LSS: variants seen among roughly 807,000 people sequenced by gnomAD.
The protein encoded by LSS is lanosterol synthase, also known as 2,3-epoxysqualene-lanosterol cyclase.
In LSS, 90 loss-of-function variants were observed where a neutral mutation model predicts 110.3. That is an observed-to-expected ratio of 0.82 (90% CI 0.69 to 0.97). The LOEUF is 0.97. Among genes scored for constraint, LSS ranks in the 50% least tolerant of loss-of-function variants. The pLI is 0.00. For synonymous variants in LSS, 433 were observed against 400.0 expected (o/e 1.08, Z -0.98); for missense variants, 927 against 990.0 (o/e 0.94, Z 0.85).
At chr21:46,210,536 C>G (rs547051499) in intron 12 of LSS, 152 bp downstream of exon 12, 160 of 800,380 alleles carry the variant, frequency 2.0e-4, no homozygotes, top group Non-Finnish European at 2.6e-4. Flanking sequence ...CTCCACAGCA[C>G]GACCCTCTGA....
rs1330005778 is a variant in LSS at position 46,190,096 on chromosome 21, C to A, written c.*1008G>T. Reference sequence around the variant, plus strand: ...CCGTAGGGGTGCCCTGGGTATATGCCGGGCTCCCAGGGTGCCATACCTGCC... The same window carrying A: ...CCGTAGGGGTGCCCTGGGTATATGCAGGGCTCCCAGGGTGCCATACCTGCC... On this transcript the variant is annotated 3_prime_UTR_variant, in exon 22 of 22. Transcript: ENST00000397728. The surrounding 1 kb of genome is among the most constrained non-coding windows in gnomAD (Gnocchi z 4.6). 1.3e-5 allele frequency: 3 copies of A among 238,572 alleles called. No individual in the cohort carries two copies. The East Asian group carries it at 4.4e-4, about 35-fold the overall frequency. 14.8% of individuals were successfully genotyped at this position (238,572 alleles called of 1,614,324 possible).
At position 46,191,186 on chromosome 21, in the gene LSS, C is replaced by G. The variant is rs761781316; in HGVS notation, c.2117G>C (p.Ser706Thr). The change falls in exon 22 of 22, where the codon AGC (serine) becomes ACC (threonine). Residue 706 changes from serine (S) to threonine (T), a missense_variant. Physicochemically the swap from Ser to Thr is moderately conservative, Grantham distance 58. Transcript: ENST00000397728. Reference sequence around the variant, plus strand: ...CCAGATGGGGAAGATGTTCCTGTAGCTCGTGTAGGAGATGGCACAGGACTT... The same window carrying G: ...CCAGATGGGGAAGATGTTCCTGTAGGTCGTGTAGGAGATGGCACAGGACTT... Reference protein sequence around the residue: ...FNKSCAISYTSYRNIFPIWAL... With the variant: ...FNKSCAISYTTYRNIFPIWAL... 7.4e-6 allele frequency: 12 copies of G among 1,614,014 alleles called. No homozygotes were observed. Among genetic ancestry groups the G allele is most frequent in the Non-Finnish European group, 9.3e-6 (11 of 1,179,996 alleles).
chr21:46,208,351 G>T, intron 13 of LSS, 50 bp from the exon 14 acceptor site: 1 of 1,481,776 alleles, frequency 6.7e-7, no homozygotes, highest in Non-Finnish European at 9.2e-7. Flanking sequence ...GTCACCACGG[G>T]ACGTCCCCAT....
At chr21:46,220,599 G>A (rs1454438086) in intron 5 of LSS, 9 of 157,334 alleles carry the variant, frequency 5.7e-5, no homozygotes, top group East Asian at 3.8e-4. Context: ...GACTGGCTAC[G>A]GAAGGTCTGT....
rs996605057 is a variant in LSS at position 46,195,664 on chromosome 21, G to A, written c.1817+12C>T. The A allele has an allele frequency of 3.7e-6, 6 of 1,612,544 alleles. No individual in the cohort carries two copies. The Admixed American group carries it at 1.0e-4, about 27-fold the overall frequency. ...AGAACCCCCACCCACCAGAGGACAG[G>A]CACTCACTCACCCATCTCGGTAGGT... On this transcript the variant is annotated intron_variant, in intron 19 of 21. Coordinates refer to ENST00000397728, the MANE Select transcript of LSS (RefSeq NM_002340.6).
In LSS at chr21:46,228,566, G is replaced by A. The variant is rs1162021937; in HGVS notation, c.48C>T (p.Thr16=). Residue 16 remains threonine (T), a synonymous_variant, in exon 2 of 22, where the codon ACC becomes ACT. Transcript: ENST00000397728. ...AGCGGCCGAGGTCGGTGGCGGGCTC[G>A]GTCTTGTAGGGGCCCCCTCGGCGCC... is the stretch of plus-strand genomic sequence containing the variant. ...CLRRRGGPYK[T]EPATDLGRWR... 7 of 1,593,842 alleles carry A rather than the reference G, an allele frequency of 4.4e-6. No homozygotes were observed. Among genetic ancestry groups the A allele is most frequent in the Non-Finnish European group, 5.1e-6 (6 of 1,176,678 alleles).
intron 19 of LSS, among the ~76,000 whole-genome samples, chr21:46,195,021 G>C (rs575190963): frequency 1.3e-5 from 2 of 152,316 alleles, no homozygotes; most frequent in South Asian, 4.1e-4. Flanking sequence ...CAGACTCTGG[G>C]AGACAGTGGG....
rs1278073384 is a variant in LSS at position 46,224,718 on chromosome 21, A to C, written c.320-1980T>G. On this transcript the variant is annotated intron_variant, in intron 3 of 21. Coordinates refer to ENST00000397728, the MANE Select transcript of LSS (RefSeq NM_002340.6). ...GGTCAGACCCGATTCAGTGTTCACC[A>C]GAGTGCTGCCCAATGCCGCACAGGC... is the stretch of plus-strand genomic sequence containing the variant. 3.3e-5 allele frequency: 5 copies of C among 152,410 alleles called. No individual in the cohort carries two copies. In the East Asian group the frequency reaches 9.6e-4, roughly 29 times the overall value. 9.4% of individuals were successfully genotyped at this position (152,410 alleles called of 1,614,324 possible). A position where few individuals can be genotyped will look rare whatever the true frequency, so the allele number is the denominator to read the frequency against.
At chr21:46,225,263 G>A in intron 3 of LSS, 1 of 351,044 alleles carries the variant, frequency 2.8e-6, no homozygotes, top group Non-Finnish European at 5.7e-6. Flanking sequence ...GAGACATAGT[G>A]AGAAGTGACC....
In LSS at chr21:46,209,866, C is replaced by G. The variant is rs997241973; in HGVS notation, c.1195-241G>C. Among the ~76,000 whole-genome samples the G allele has an allele frequency of 1.3e-5, 2 of 152,150 alleles. No homozygotes were observed. The highest frequency in any genetic ancestry group is 4.8e-5 in the African/African-American group (2 of 41,416). On this transcript the variant is annotated intron_variant, in intron 12 of 21. Coordinates refer to ENST00000397728, the MANE Select transcript of LSS (RefSeq NM_002340.6). The surrounding 1 kb of genome is among the most constrained non-coding windows in gnomAD (Gnocchi z 4.4). ...AGGAGACCATTTATGGATGCCAGCA[C>G]CCCCCTGCCTGGCCAGCATCCATGC... is the stretch of plus-strand genomic sequence containing the variant.
At chr21:46,220,940 C>T (rs1017321982) in intron 5 of LSS, among the ~76,000 whole-genome samples, 6 of 143,638 alleles carry the variant, frequency 4.2e-5, no homozygotes, top group Admixed American at 3.4e-4. Flanking sequence ...CAGGCCAGGG[C>T]TTGGAGAGGT....
chr21:46,220,655 A>G (rs1035689443), intron 5 of LSS, among the ~76,000 whole-genome samples: 2 of 152,204 alleles, frequency 1.3e-5, no homozygotes, highest in African/African-American at 2.4e-5. Flanking sequence ...GAGCCACAAC[A>G]TAAACTAGGT....
intron 18 of LSS, among the ~76,000 whole-genome samples, 194 bp from the exon 19 acceptor site, chr21:46,195,950 C>G (rs1383401132): frequency 1.3e-5 from 2 of 152,220 alleles, no homozygotes; most frequent in African/African-American, 4.8e-5. Flanking sequence ...GAGGGAATAG[C>G]CACGCTCAGG....
intron 17 of LSS, among the ~76,000 whole-genome samples, chr21:46,203,475 G>A (rs2080006253): frequency 6.6e-6 from 1 of 152,264 alleles, no homozygotes; most frequent in Non-Finnish European, 1.5e-5. Context: ...CTTCAGGGGC[G>A]AGGAGGGGCG....
chr21:46,206,043 CG>C, intron 16 of LSS, 102 bp from the exon 17 acceptor site: 1 of 860,176 alleles, frequency 1.2e-6, no homozygotes, highest in Admixed American at 2.3e-5. Context: ...GCAGTGAGCC[CG>C]GGCCCGGACG....
chr21:46,219,477 A>G lies in LSS; in HGVS notation c.646T>C (p.Trp216Arg), dbSNP rs769688990. 2 of 1,585,842 alleles carry G rather than the reference A, an allele frequency of 1.3e-6. No individual in the cohort carries two copies. Among genetic ancestry groups the G allele is most frequent in the South Asian group, 2.3e-5 (2 of 86,794 alleles). The change falls in exon 6 of 22, where the codon TGG becomes CGG. Residue 216 changes from tryptophan to arginine, a missense_variant and splice_region_variant. Coordinates refer to ENST00000397728, the MANE Select transcript of LSS (RefSeq NM_002340.6). Reference protein sequence around the residue: ...EGLNTLFPEMWLFPDWAPAHP... With the variant: ...EGLNTLFPEMRLFPDWAPAHP... ...CAACCCAATCAACAGCAGACATACC[A>G]CATCTCTGGGAACAGGGTATTGAGG...
chr21:46,197,642 C>T (rs2123702568), intron 17 of LSS, among the ~76,000 whole-genome samples: 1 of 152,344 alleles, frequency 6.6e-6, no homozygotes, highest in South Asian at 2.1e-4. Context: ...GTAATCCCAG[C>T]ACTTTGGGAG....
In LSS at chr21:46,216,647, G is replaced by A. The variant is rs1440317831; in HGVS notation, c.648-123C>T. 61 of 1,259,938 alleles carry A rather than the reference G, an allele frequency of 4.8e-5. No homozygotes were observed. The highest frequency in any genetic ancestry group is 5.7e-5 in the Non-Finnish European group (53 of 937,562). 78.0% of individuals were successfully genotyped at this position (1,259,938 alleles called of 1,614,324 possible). A position where few individuals can be genotyped will look rare whatever the true frequency, so the allele number is the denominator to read the frequency against. On this transcript the variant is annotated intron_variant, in intron 6 of 21. Transcript: ENST00000397728. This position sits in a 1 kb window ranked among gnomAD's most constrained non-coding sequence, Gnocchi z 4.2. ...TGGATGGCTATTCCCCACCACGTCA[G>A]TGCATCTGCGGGCATTTCCCAACCG...
Position 46,191,890 on chromosome 21 carries a change from G to T in LSS, c.2058C>A (p.Asp686Glu). Residue 686 changes from aspartate to glutamate, a missense_variant, in exon 21 of 22, where the codon GAC (aspartate) becomes GAA (glutamate). By Grantham distance (45) the Asp-to-Glu change is conservative. Transcript: ENST00000397728. ...GTCCCTGGCGGCATACCTGCGGCCA[G>T]TCGCCATTGGGGAGCTGTTTCTCAA... is the stretch of plus-strand genomic sequence containing the variant. ...CLLEKQLPNG[D>E]WPQENIAGVF... is the part of the protein sequence containing the mutation. 1 of 1,613,206 alleles carries T rather than the reference G, an allele frequency of 6.2e-7. No homozygotes were observed. Among genetic ancestry groups the T allele is most frequent in the Non-Finnish European group, 8.5e-7 (1 of 1,179,740 alleles).
Sources: gnomAD v4.1 joint callset for allele counts (sites outside exome capture counted in the v4.1 genomes callset) on GRCh38, gnomAD v4.1.1 for gene constraint, Gnocchi (gnomAD v3.1) non-coding constraint, MANE v1.5 for transcripts, NCBI Gene and HGNC (gene_info 2026-07-23, HGNC 2026-07-21) for gene names.